ACSS3: variants seen among roughly 807,000 people sequenced by gnomAD.
The protein encoded by ACSS3 is acyl-CoA synthetase short-chain family member 3, mitochondrial.
Under a neutral mutation model 84.2 loss-of-function variants are expected in ACSS3, and 64 were observed. That is an observed-to-expected ratio of 0.76 (90% CI 0.62 to 0.94). The LOEUF is 0.94. Among genes scored for constraint, ACSS3 ranks in the 40% least tolerant of loss-of-function variants. The pLI is 0.00. For synonymous variants in ACSS3, 317 were observed against 310.1 expected, an observed-to-expected ratio of 1.02 and a Z score of -0.23; for missense variants, 815 against 867.6, an observed-to-expected ratio of 0.94 and a Z score of 0.76.
chr12:81,218,136 G>A (rs2032987907), intron 10 of ACSS3, among the ~76,000 whole-genome samples: 1 of 152,052 alleles, frequency 6.6e-6, no homozygotes, highest in Non-Finnish European at 1.5e-5. Flanking sequence ...ATGCAATAAA[G>A]CATTAACACA....
At chr12:81,178,836 A>G (rs900333956) in intron 8 of ACSS3, among the ~76,000 whole-genome samples, 9 of 152,236 alleles carry the variant, frequency 5.9e-5, no homozygotes, top group Non-Finnish European at 1.5e-5. Flanking sequence ...TCAAATAGCC[A>G]AAGCAATTTG....
At chr12:81,158,468 A>G (rs1206026742) in intron 7 of ACSS3, 1 of 153,638 alleles carries the variant, frequency 6.5e-6, no homozygotes, top group Non-Finnish European at 1.5e-5. Flanking sequence ...TGCTGTCACC[A>G]TCATTCCATA....
chr12:81,100,753 A>G (rs74681904), intron 1 of ACSS3, among the ~76,000 whole-genome samples: 7,982 of 152,294 alleles, frequency 0.052, 445 homozygotes, highest in Admixed American at 0.17. Context: ...ACTCAGAGAT[A>G]TAGGCTGACA....
At chr12:81,237,526 T>C (rs188753863) in intron 13 of ACSS3, among the ~76,000 whole-genome samples, 4 of 151,838 alleles carry the variant, frequency 2.6e-5, no homozygotes, top group African/African-American at 9.6e-5. Flanking sequence ...TAGATTTTCC[T>C]GATAAATGTC....
At chr12:81,247,119 C>T (rs994176674) in intron 13 of ACSS3, among the ~76,000 whole-genome samples, 39 of 151,928 alleles carry the variant, frequency 2.6e-4, no homozygotes, top group African/African-American at 8.2e-4. Flanking sequence ...TGTTTTTAAA[C>T]GACTCTAAAT....
intron 13 of ACSS3, among the ~76,000 whole-genome samples, chr12:81,244,905 C>CTGTGTGTG (rs146316314): frequency 6.7e-6 from 1 of 148,158 alleles, no homozygotes; most frequent in Non-Finnish European, 1.5e-5. Flanking sequence ...TCTATTCAAA[C>CTGTGTGTG]TGTGTGTGTG....
At chr12:81,157,726 G>C (rs1374703266) in intron 7 of ACSS3, among the ~76,000 whole-genome samples, 1 of 152,092 alleles carries the variant, frequency 6.6e-6, no homozygotes, top group Non-Finnish European at 1.5e-5. Flanking sequence ...AGAATCGCTT[G>C]AACCCAGGAG....
chr12:81,085,925 A>G (rs1881279973), intron 1 of ACSS3, among the ~76,000 whole-genome samples: 1 of 152,114 alleles, frequency 6.6e-6, no homozygotes. Context: ...TAAATGTTTC[A>G]AAGGGAAAAA....
intron 2 of ACSS3, among the ~76,000 whole-genome samples, chr12:81,117,050 T>A (rs879599844): frequency 6.6e-6 from 1 of 152,188 alleles, no homozygotes; most frequent in Non-Finnish European, 1.5e-5. Context: ...ATTTGCTTAA[T>A]GCATTTATCA....
At chr12:81,187,506 ATGTCTGGC>A (rs1426140570) in intron 8 of ACSS3, among the ~76,000 whole-genome samples, 1 of 151,904 alleles carries the variant, frequency 6.6e-6, no homozygotes, top group African/African-American at 2.4e-5. Flanking sequence ...CAATGCCTGT[ATGTCTGGC>A]TGTCTTTGAG....
At chr12:81,243,880 G>A (rs544034009) in intron 13 of ACSS3, among the ~76,000 whole-genome samples, 29 of 152,158 alleles carry the variant, frequency 1.9e-4, no homozygotes, top group East Asian at 1.7e-3. Context: ...GGTAAATTGA[G>A]AACAAGAAAA....
intron 4 of ACSS3, 34 bp downstream of exon 4, chr12:81,139,299 G>T (rs2107415): frequency 6.2e-7 from 1 of 1,606,462 alleles, no homozygotes; most frequent in Non-Finnish European, 8.5e-7. Flanking sequence ...TCTTGCTTAT[G>T]GTAATATGCT....
chr12:81,148,775 A>G (rs1886464559), intron 5 of ACSS3, among the ~76,000 whole-genome samples: 1 of 151,930 alleles, frequency 6.6e-6, no homozygotes, highest in African/African-American at 2.4e-5. Context: ...ATAAGTACAT[A>G]GAGAGGCCAG....
chr12:81,188,052 TA>T (rs926552439), intron 8 of ACSS3, among the ~76,000 whole-genome samples: 6 of 152,066 alleles, frequency 3.9e-5, no homozygotes, highest in Middle Eastern at 6.8e-3. Context: ...ATTCACTGGC[TA>T]AAAAAACTTA....
At chr12:81,145,430 A>G (rs1216482732) in intron 5 of ACSS3, among the ~76,000 whole-genome samples, 1 of 152,170 alleles carries the variant, frequency 6.6e-6, no homozygotes, top group African/African-American at 2.4e-5. Context: ...AACAGATACA[A>G]CTATGAGTAA....
At chr12:81,238,639 A>G (rs2033701362) in intron 13 of ACSS3, among the ~76,000 whole-genome samples, 1 of 151,714 alleles carries the variant, frequency 6.6e-6, no homozygotes, top group Non-Finnish European at 1.5e-5. Flanking sequence ...CTAGGTAATC[A>G]AATTGGTGGG....
At chr12:81,151,492 T>C (rs1886606113) in intron 5 of ACSS3, among the ~76,000 whole-genome samples, 1 of 152,230 alleles carries the variant, frequency 6.6e-6, no homozygotes, top group Non-Finnish European at 1.5e-5. Flanking sequence ...TTTCTTCGCA[T>C]TAAATTTTGT....
chr12:81,152,164 C>T, intron 7 of ACSS3, 68 bp downstream of exon 7: 2 of 1,347,754 alleles, frequency 1.5e-6, no homozygotes, highest in South Asian at 1.3e-5. Flanking sequence ...ATGAAGCAGT[C>T]CTGAGTAGGA....
At chr12:81,174,966 G>T (rs2030364571) in intron 8 of ACSS3, 27 bp downstream of exon 8, 3 of 1,603,972 alleles carry the variant, frequency 1.9e-6, no homozygotes, top group Non-Finnish European at 2.6e-6. Context: ...CAGGGCAAAT[G>T]ACATTAGAAA....
Sources: allele counts gnomAD v4.1 joint callset (sites outside exome capture counted in the v4.1 genomes callset), GRCh38; gene constraint gnomAD v4.1.1; transcripts MANE v1.5; gene names NCBI Gene and HGNC (gene_info 2026-07-23, HGNC 2026-07-21).